Variants in WDR19 observed in about 807,000 individuals in gnomAD.
The protein encoded by WDR19 is WD repeat domain 19, also known as WD repeat-containing protein 19.
Under a neutral mutation model 180.0 loss-of-function variants are expected in WDR19, and 121 were observed. The observed-to-expected ratio is 0.67, with a 90% CI of 0.58 to 0.78. The LOEUF (loss-of-function observed/expected upper bound fraction) is 0.78. Among genes scored for constraint, WDR19 ranks in the 30% least tolerant of loss-of-function variants. The pLI is 0.00. For missense variants in WDR19, 1,450 were observed against 1,640.7 expected, an observed-to-expected ratio of 0.88 and a Z score of 2.01; for synonymous variants, 497 against 540.7, an observed-to-expected ratio of 0.92 and a Z score of 1.12.
chr4:39,278,751 T>G, intron 36 of WDR19, 88 bp downstream of exon 36: 1 of 657,050 alleles, frequency 1.5e-6, no homozygotes. Flanking sequence ...ATCAACTCCT[T>G]TCAGTGCACC....
intron 20 of WDR19, among the ~76,000 whole-genome samples, chr4:39,239,845 G>A (rs554658398): frequency 6.6e-6 from 1 of 152,096 alleles, no homozygotes; most frequent in South Asian, 2.1e-4. Flanking sequence ...AAGCAACTCA[G>A]TGACAAAGAT....
intron 36 of WDR19, among the ~76,000 whole-genome samples, chr4:39,280,260 C>A (rs949333694): frequency 2.0e-5 from 3 of 151,804 alleles, no homozygotes; most frequent in Non-Finnish European, 4.4e-5. Context: ...CCATGCTCAG[C>A]CTTGGTAGCA....
chr4:39,189,639 GCT>G lies in WDR19; in HGVS notation c.165-12_165-11del. On this transcript the variant is annotated splice_polypyrimidine_tract_variant and intron_variant, in intron 3 of 36. Transcript: ENST00000399820. ...TTAAAAAACTGTATAGTGGTATTTT[GCT>G]CTCTTTTTTAAAAGTAACTGTGTTG... 6.4e-7 allele frequency: 1 copy of G among 1,573,290 alleles called. No individual in the cohort carries two copies. The highest frequency in any genetic ancestry group is 8.6e-7 in the Non-Finnish European group (1 of 1,163,336).
chr4:39,226,601 C>T lies in WDR19; in HGVS notation c.1629+1568C>T, dbSNP rs749894733. On this transcript the variant is annotated intron_variant, in intron 15 of 36. Transcript: ENST00000399820. Reference sequence around the variant, plus strand: ...GACTGCCTGGGTTCAAATACTGGCTCGTCAGCCTACTAGCTGTGTGACTTT... The same window carrying T: ...GACTGCCTGGGTTCAAATACTGGCTTGTCAGCCTACTAGCTGTGTGACTTT... Among the ~76,000 whole-genome samples the T allele has an allele frequency of 1.3e-5, 2 of 152,266 alleles. 1 individual carries two copies. Among genetic ancestry groups the T allele is most frequent in the Non-Finnish European group, 2.9e-5 (2 of 68,018 alleles).
intron 19 of WDR19, 92 bp from the exon 20 acceptor site, chr4:39,234,674 T>C (rs886637872): frequency 6.4e-6 from 5 of 775,406 alleles, no homozygotes; most frequent in East Asian, 5.4e-5. Context: ...ACAAAAAGGT[T>C]TTGTAATTAG....
At chr4:39,225,143 G>A in intron 15 of WDR19, 110 bp downstream of exon 15, 2 of 807,552 alleles carry the variant, frequency 2.5e-6, no homozygotes, top group Non-Finnish European at 3.5e-6. Flanking sequence ...GCCAAGGATT[G>A]TAGTTCTTTG....
At chr4:39,268,712 C>G (rs1258096413) in intron 30 of WDR19, among the ~76,000 whole-genome samples, 2 of 152,172 alleles carry the variant, frequency 1.3e-5, no homozygotes, top group Non-Finnish European at 2.9e-5. Flanking sequence ...GTTGATCTAA[C>G]AACACCTTCT....
intron 27 of WDR19, among the ~76,000 whole-genome samples, chr4:39,256,538 C>T (rs867306779): frequency 2.0e-5 from 3 of 152,096 alleles, no homozygotes; most frequent in African/African-American, 7.2e-5. Flanking sequence ...TCAAGAGAAA[C>T]GGAAGCTTGG....
chr4:39,195,118 A>G (rs1726584916), intron 5 of WDR19, among the ~76,000 whole-genome samples: 1 of 152,184 alleles, frequency 6.6e-6, no homozygotes, highest in Non-Finnish European at 1.5e-5. Context: ...CTGTAATCCC[A>G]GCACTTTGGG....
rs751386429 is a variant in WDR19, at chr4:39,253,193, G to T, written c.2777G>T (p.Ser926Ile). The change falls in exon 25 of 37, where the codon AGT (serine) becomes ATT (isoleucine). Residue 926 changes from serine (S) to isoleucine (I), a missense_variant. Ser to Ile is a moderately radical substitution (Grantham distance 142). Transcript: ENST00000399820. ...VAYENAKQWQ[S>I]VIRIYLDHLN... The stretch of plus-strand genomic sequence containing the variant: ...TATGAAAATGCAAAACAGTGGCAAA[G>T]TGTAATCCGCATCTATCTGGATCAC... The T allele has an allele frequency of 6.2e-7, 1 of 1,613,028 alleles. No individual in the cohort carries two copies. The highest frequency in any genetic ancestry group is 1.7e-4 in the Middle Eastern group (1 of 6,056).
intron 5 of WDR19, among the ~76,000 whole-genome samples, chr4:39,195,332 A>G (rs919625781): frequency 4.0e-5 from 6 of 149,874 alleles, no homozygotes; most frequent in African/African-American, 1.5e-4. Flanking sequence ...GCGCCACTGC[A>G]CTGCAGCCTG....
At chr4:39,273,139 C>A in intron 32 of WDR19, 78 bp downstream of exon 32, 3 of 1,122,232 alleles carry the variant, frequency 2.7e-6, no homozygotes, top group Non-Finnish European at 2.6e-6. Flanking sequence ...CTTTTGCAGG[C>A]TCCCCTCATA....
At chr4:39,250,891 A>G (rs1257130660) in intron 24 of WDR19, among the ~76,000 whole-genome samples, 1 of 152,266 alleles carries the variant, frequency 6.6e-6, no homozygotes, top group East Asian at 1.9e-4. Context: ...TTCCATGCTC[A>G]TGGGTAGGAA....
intron 23 of WDR19, among the ~76,000 whole-genome samples, chr4:39,245,112 AT>A (rs542146780): frequency 0.084 from 11,563 of 138,262 alleles, 1,476 homozygotes; most frequent in African/African-American, 0.28. Context: ...TAATTTTTGT[AT>A]TTTTTTTTTT....
intron 21 of WDR19, among the ~76,000 whole-genome samples, chr4:39,242,817 G>A (rs1423433270): frequency 6.6e-6 from 1 of 152,092 alleles, no homozygotes; most frequent in Admixed American, 6.5e-5. Context: ...TTACAGGCAT[G>A]GGCCACCACG....
intron 24 of WDR19, 96 bp from the exon 25 acceptor site, chr4:39,253,050 C>G: frequency 8.3e-7 from 1 of 1,201,814 alleles, no homozygotes; most frequent in Non-Finnish European, 1.1e-6. Context: ...AAGCAGTCAC[C>G]ATCAATAAAA....
intron 9 of WDR19, among the ~76,000 whole-genome samples, chr4:39,210,333 A>C (rs1342060817): frequency 2.0e-5 from 3 of 152,262 alleles, no homozygotes; most frequent in Admixed American, 1.3e-4. Context: ...TTCATGACCA[A>C]GTGTGATTTA....
intron 24 of WDR19, among the ~76,000 whole-genome samples, chr4:39,246,201 A>T (rs775451174): frequency 3.3e-5 from 5 of 152,238 alleles, no homozygotes; most frequent in Non-Finnish European, 7.3e-5. Flanking sequence ...TATATTACAC[A>T]ACTGATAGAA....
At chr4:39,206,315 C>T (rs1210626786) in intron 9 of WDR19, among the ~76,000 whole-genome samples, 6 of 152,162 alleles carry the variant, frequency 3.9e-5, no homozygotes, top group Non-Finnish European at 5.9e-5. Context: ...CTCTAATGCT[C>T]CAGCCACCAA....
Sources: gnomAD v4.1 joint callset for allele counts (sites outside exome capture counted in the v4.1 genomes callset) on GRCh38, gnomAD v4.1.1 for gene constraint, MANE v1.5 for transcripts, NCBI Gene and HGNC (gene_info 2026-07-23, HGNC 2026-07-21) for gene names.